FOXO1: variants seen among roughly 807,000 people sequenced by gnomAD.
The protein encoded by FOXO1 is forkhead box O1, also known as forkhead box protein O1.
FOXO1 carries 6 observed loss-of-function variants against 44.1 expected under a neutral mutation model. The observed-to-expected ratio is 0.14, with a 90% CI of 0.07 to 0.27. The LOEUF (loss-of-function observed/expected upper bound fraction) is 0.27. Among genes scored for constraint, FOXO1 ranks in the 10% least tolerant of loss-of-function variants. FOXO1 has a pLI of 1.00. For synonymous variants in FOXO1, 380 were observed against 362.7 expected, an observed-to-expected ratio of 1.05 and a Z score of -0.54; for missense variants, 737 against 888.8, an observed-to-expected ratio of 0.83 and a Z score of 2.17.
intron 1 of FOXO1, among the ~76,000 whole-genome samples, chr13:40,609,379 T>TAAA (rs1876142801): frequency 6.6e-6 from 1 of 152,156 alleles, no homozygotes; most frequent in Non-Finnish European, 1.5e-5. Context: ...GGATGTAATT[T>TAAA]TTTATATCAG....
At chr13:40,597,460 C>CT (rs767404921) in intron 1 of FOXO1, among the ~76,000 whole-genome samples, 4 of 152,142 alleles carry the variant, frequency 2.6e-5, no homozygotes, top group African/African-American at 7.2e-5. Flanking sequence ...GCCCAAGGCC[C>CT]TTTTTTATCA....
chr13:40,604,397 T>TA (rs879558762), intron 1 of FOXO1, among the ~76,000 whole-genome samples: 1 of 151,856 alleles, frequency 6.6e-6, no homozygotes, highest in African/African-American at 2.4e-5. Context: ...TTTTTTTTTT[T>TA]ATCATTCTTG....
In FOXO1 at chr13:40,666,066, A is replaced by G. The variant is rs1189035594; in HGVS notation, c.147T>C (p.Ala49=). 2.3e-6 allele frequency: 3 copies of G among 1,323,280 alleles called. No individual in the cohort carries two copies. Among genetic ancestry groups the G allele is most frequent in the Non-Finnish European group, 2.9e-6 (3 of 1,039,732 alleles). 82.0% of individuals were successfully genotyped at this position (1,323,280 alleles called of 1,614,324 possible). ...GGCCCGCCGCGGCGTCGGGGTTGGC[A>G]GCCGCGCTGCCCGACGGCGCCGGGC... ...TSSPAPSGSA[A]ANPDAAAGLP... is the part of the protein sequence containing the mutation. The change falls in exon 1 of 3, where the codon GCT becomes GCC. Residue 49 remains alanine, a synonymous_variant. Transcript: ENST00000379561.
intron 1 of FOXO1, among the ~76,000 whole-genome samples, chr13:40,588,307 A>G (rs1875247031): frequency 6.6e-6 from 1 of 152,184 alleles, no homozygotes; most frequent in Non-Finnish European, 1.5e-5. Flanking sequence ...AGACTTCTCT[A>G]GCTTCATTAC....
intron 1 of FOXO1, among the ~76,000 whole-genome samples, chr13:40,602,119 G>GT (rs1435675566): frequency 1.3e-5 from 2 of 152,122 alleles, no homozygotes; most frequent in African/African-American, 2.4e-5. Flanking sequence ...CATCACAGTA[G>GT]TTTTTTACTA....
chr13:40,658,891 A>T (rs529441404), intron 1 of FOXO1, among the ~76,000 whole-genome samples: 2 of 152,168 alleles, frequency 1.3e-5, no homozygotes, highest in Non-Finnish European at 2.9e-5. Context: ...GGGCGCCTGT[A>T]GTCTCAGCTA....
intron 1 of FOXO1, among the ~76,000 whole-genome samples, chr13:40,612,896 G>T (rs1198537497): frequency 1.3e-5 from 2 of 152,084 alleles, no homozygotes; most frequent in Admixed American, 6.5e-5. Context: ...GTGGGTCCTG[G>T]AACTATCTCC....
In FOXO1 at chr13:40,624,596, G is replaced by A. The variant is rs181071775; in HGVS notation, c.630+40987C>T. ...GCACTCATCTCATCATAAACTAAAT[G>A]GTAGCTAGCCAGGCAACTTGGCGGG... On this transcript the variant is annotated intron_variant, in intron 1 of 2. Coordinates refer to ENST00000379561, the MANE Select transcript of FOXO1 (RefSeq NM_002015.4). 2.6e-5 allele frequency among the ~76,000 whole-genome samples: 4 copies of A among 152,234 alleles called. No homozygotes were observed. In the East Asian group the frequency reaches 7.7e-4, roughly 29 times the overall value.
chr13:40,658,664 C>T (rs1001624489), intron 1 of FOXO1, among the ~76,000 whole-genome samples: 2 of 152,114 alleles, frequency 1.3e-5, no homozygotes, highest in Non-Finnish European at 2.9e-5. Context: ...GGCAGGAGGA[C>T]CATTGTAATG....
intron 1 of FOXO1, among the ~76,000 whole-genome samples, chr13:40,615,006 C>T (rs4429172): frequency 6.6e-6 from 1 of 151,908 alleles, no homozygotes; most frequent in Non-Finnish European, 1.5e-5. Context: ...GCAAAAAACC[C>T]GAAGTTCCCA....
chr13:40,567,998 C>T (rs924750547), intron 1 of FOXO1, among the ~76,000 whole-genome samples: 1 of 152,028 alleles, frequency 6.6e-6, no homozygotes, highest in Admixed American at 6.6e-5. Context: ...ATGTGATTTG[C>T]TCTTATTCTA....
intron 1 of FOXO1, among the ~76,000 whole-genome samples, chr13:40,589,204 TACATTCAAAG>T (rs1437123969): frequency 6.6e-6 from 1 of 152,200 alleles, no homozygotes; most frequent in African/African-American, 2.4e-5. Context: ...AAGAATATTC[TACATTCAAAG>T]ACATCTCAAA....
intron 1 of FOXO1, among the ~76,000 whole-genome samples, chr13:40,643,273 C>G (rs7334318): frequency 0.41 from 62,268 of 150,180 alleles, 14,056 homozygotes; most frequent in East Asian, 0.73. Context: ...ACCCGGGAGG[C>G]AGATGATGCA....
chr13:40,601,729 T>G (rs189622316), intron 1 of FOXO1, among the ~76,000 whole-genome samples: 1 of 152,356 alleles, frequency 6.6e-6, no homozygotes, highest in African/African-American at 2.4e-5. Context: ...GATGTTGTTC[T>G]TGCTTTGTTA....
intron 1 of FOXO1, among the ~76,000 whole-genome samples, chr13:40,633,486 A>C (rs1388772337): frequency 6.6e-6 from 1 of 152,236 alleles, no homozygotes; most frequent in African/African-American, 2.4e-5. Flanking sequence ...TAAACCTCGA[A>C]AATGTTATGC....
chr13:40,654,420 G>C (rs1313487040), intron 1 of FOXO1, among the ~76,000 whole-genome samples: 2 of 144,738 alleles, frequency 1.4e-5, no homozygotes, highest in Non-Finnish European at 3.0e-5. Context: ...AGAACTACTT[G>C]AACTCTGGAG....
At chr13:40,657,217 T>C (rs1411130456) in intron 1 of FOXO1, among the ~76,000 whole-genome samples, 1 of 152,094 alleles carries the variant, frequency 6.6e-6, no homozygotes, top group Non-Finnish European at 1.5e-5. Flanking sequence ...CATAATGAAA[T>C]GTCATTAGTA....
intron 1 of FOXO1, among the ~76,000 whole-genome samples, chr13:40,632,929 AAAAG>A (rs1877015893): frequency 6.6e-6 from 1 of 151,048 alleles, no homozygotes. Flanking sequence ...AAAAAAAAGG[AAAAG>A]AAAAAAAAAG....
chr13:40,571,563 T>G (rs1874502841), intron 1 of FOXO1, among the ~76,000 whole-genome samples: 1 of 151,794 alleles, frequency 6.6e-6, no homozygotes, highest in African/African-American at 2.4e-5. Flanking sequence ...CAGCCACAAC[T>G]CCCCCATCTT....
Sources: gnomAD v4.1 joint callset for allele counts (sites outside exome capture counted in the v4.1 genomes callset) on GRCh38, gnomAD v4.1.1 for gene constraint, MANE v1.5 for transcripts, NCBI Gene and HGNC (gene_info 2026-07-23, HGNC 2026-07-21) for gene names.